CPNE4: variants seen among roughly 807,000 people sequenced by gnomAD.
The protein encoded by CPNE4 is copine 4, also known as copine-4.
A neutral mutation model predicts 67.9 loss-of-function variants in CPNE4; 25 were observed. The observed-to-expected ratio is 0.37, with a 90% CI of 0.27 to 0.51. The LOEUF is 0.51. Ranked by LOEUF, CPNE4 falls within the 20% of genes least tolerant of loss-of-function variation. CPNE4 has a pLI of 0.93. For missense variants in CPNE4, 464 were observed against 690.8 expected (o/e 0.67, Z 3.68); for synonymous variants, 242 against 244.9 (o/e 0.99, Z 0.11).
intron 2 of CPNE4, among the ~76,000 whole-genome samples, chr3:131,895,819 C>T (rs539650586): frequency 6.6e-6 from 1 of 152,120 alleles, no homozygotes; most frequent in Non-Finnish European, 1.5e-5. Context: ...GAAATTCAAG[C>T]TAACATTTGG....
At chr3:132,025,829 C>T (rs991530413) in intron 1 of CPNE4, among the ~76,000 whole-genome samples, 13 of 152,134 alleles carry the variant, frequency 8.5e-5, no homozygotes, top group African/African-American at 2.9e-4. Flanking sequence ...AAAATTTATG[C>T]CATTCACCAA....
chr3:131,788,349 G>C (rs1245867961), intron 2 of CPNE4, among the ~76,000 whole-genome samples: 1 of 152,072 alleles, frequency 6.6e-6, no homozygotes, highest in Admixed American at 6.6e-5. Context: ...AATGGCAAAT[G>C]ATATTGAATG....
At chr3:131,799,296 G>A (rs755846425) in intron 2 of CPNE4, among the ~76,000 whole-genome samples, 1 of 152,088 alleles carries the variant, frequency 6.6e-6, no homozygotes, top group African/African-American at 2.4e-5. Context: ...AAGGAACAGA[G>A]CTGTGATACT....
chr3:131,692,833 T>A (rs1412547842), intron 5 of CPNE4, among the ~76,000 whole-genome samples: 1 of 152,226 alleles, frequency 6.6e-6, no homozygotes, highest in Admixed American at 6.5e-5. Context: ...AGTGTCGGAA[T>A]TAGTTCCAAT....
At chr3:131,726,062 T>C (rs897881176) in intron 2 of CPNE4, among the ~76,000 whole-genome samples, 1 of 152,182 alleles carries the variant, frequency 6.6e-6, no homozygotes, top group African/African-American at 2.4e-5. Context: ...ATGCTGTGGG[T>C]GCATTTGACA....
intron 2 of CPNE4, among the ~76,000 whole-genome samples, chr3:131,743,893 G>A (rs1391002611): frequency 7.1e-6 from 1 of 141,242 alleles, no homozygotes; most frequent in Non-Finnish European, 1.5e-5. Flanking sequence ...AACCCGGGAG[G>A]CGGAGCTTGC....
intron 1 of CPNE4, among the ~76,000 whole-genome samples, chr3:131,946,285 T>C (rs1213485117): frequency 1.3e-5 from 2 of 152,246 alleles, no homozygotes; most frequent in Non-Finnish European, 2.9e-5. Flanking sequence ...TTTGTCCTTT[T>C]GTGTCTGGTA....
chr3:131,570,857 C>T (rs969783937), intron 10 of CPNE4, among the ~76,000 whole-genome samples: 2 of 152,006 alleles, frequency 1.3e-5, no homozygotes, highest in South Asian at 2.1e-4. Flanking sequence ...TTTTTAGCAT[C>T]ATTTATCTCT....
chr3:132,016,590 C>A (rs1365707882), intron 1 of CPNE4, among the ~76,000 whole-genome samples: 4 of 152,226 alleles, frequency 2.6e-5, no homozygotes, highest in African/African-American at 7.2e-5. Flanking sequence ...TCTCCTAGAA[C>A]TTTACCTTGA....
At chr3:131,844,545 C>T (rs568834898) in intron 2 of CPNE4, among the ~76,000 whole-genome samples, 36 of 152,092 alleles carry the variant, frequency 2.4e-4, no homozygotes, top group Non-Finnish European at 4.3e-4. Flanking sequence ...TCAGTCACCA[C>T]GCCCAGCCCA....
chr3:131,705,885 G>T (rs2081403821), intron 3 of CPNE4, among the ~76,000 whole-genome samples: 1 of 152,012 alleles, frequency 6.6e-6, no homozygotes, highest in Admixed American at 6.6e-5. Flanking sequence ...TCATCTCTTG[G>T]GTAATGCCTT....
chr3:131,814,969 C>T (rs2084680526), intron 2 of CPNE4, among the ~76,000 whole-genome samples: 1 of 152,108 alleles, frequency 6.6e-6, no homozygotes, highest in Non-Finnish European at 1.5e-5. Context: ...GGCCACAGGG[C>T]ATCAACAATC....
chr3:131,912,499 T>C (rs2107791558), intron 1 of CPNE4, among the ~76,000 whole-genome samples: 1 of 152,198 alleles, frequency 6.6e-6, no homozygotes, highest in South Asian at 2.1e-4. Context: ...TCACAACATT[T>C]CCATCACAAT....
chr3:131,753,008 T>C (rs1354073217), intron 2 of CPNE4, among the ~76,000 whole-genome samples: 1 of 151,294 alleles, frequency 6.6e-6, no homozygotes, highest in Non-Finnish European at 1.5e-5. Flanking sequence ...AATAATAAAA[T>C]ATAAAATATA....
rs575505348 is a variant in CPNE4 at position 132,023,479 on chromosome 3, C to CTT, written c.-2+11086_-2+11087dup. Among the ~76,000 whole-genome samples the CTT allele has an allele frequency of 2.1e-3, 174 of 84,624 alleles. 17 individuals carry two copies. Among genetic ancestry groups the CTT allele is most frequent in the Non-Finnish European group, 2.4e-3 (115 of 47,088 alleles). The allele number at this position is 84,624 out of a possible 152,430, so 55.5% of individuals were successfully genotyped here. On this transcript the variant is annotated intron_variant, in intron 1 of 15. Transcript: ENST00000429747. ...AAAGGCAATTGCAAAGCAGATCAGC[C>CTT]TTTTTTTTTTTTTTTTTTTTTTTTT...
chr3:131,565,835 AG>A (rs1025087871), intron 10 of CPNE4, among the ~76,000 whole-genome samples: 7 of 148,532 alleles, frequency 4.7e-5, no homozygotes, highest in Non-Finnish European at 1.0e-4. Context: ...AAAAAAAAAA[AG>A]GTTATCTGAA....
At chr3:131,756,166 T>C (rs2082746219) in intron 2 of CPNE4, among the ~76,000 whole-genome samples, 4 of 152,180 alleles carry the variant, frequency 2.6e-5, no homozygotes, top group South Asian at 2.1e-4. Context: ...GAAGTCTTAA[T>C]AGTCTTGGTA....
intron 1 of CPNE4, among the ~76,000 whole-genome samples, chr3:131,981,059 TCA>T (rs2072894528): frequency 6.6e-6 from 1 of 152,152 alleles, no homozygotes; most frequent in Non-Finnish European, 1.5e-5. Context: ...TATGGGTCTC[TCA>T]GTGGTGGATA....
chr3:131,785,480 C>T (rs1373212057), intron 2 of CPNE4, among the ~76,000 whole-genome samples: 1 of 152,088 alleles, frequency 6.6e-6, no homozygotes, highest in Non-Finnish European at 1.5e-5. Flanking sequence ...TACTCCATGG[C>T]TCCCCCAATC....
Sources: gnomAD v4.1 joint callset for allele counts (sites outside exome capture counted in the v4.1 genomes callset) on GRCh38, gnomAD v4.1.1 for gene constraint, MANE v1.5 for transcripts, NCBI Gene and HGNC (gene_info 2026-07-23, HGNC 2026-07-21) for gene names.